The following KDM6A variants were observed in gnomAD, a reference collection of about 807,000 sequenced individuals.
KDM6A encodes lysine demethylase 6A.
A neutral mutation model predicts 117.6 loss-of-function variants in KDM6A; 11 were observed. The ratio of observed to expected loss-of-function variants is 0.09; its 90% CI spans 0.06 to 0.15. The LOEUF is 0.15. Ranked by LOEUF, KDM6A falls within the 10% of genes least tolerant of loss-of-function variation. KDM6A has a pLI of 1.00. For synonymous variants in KDM6A, 384 were observed against 396.1 expected (o/e 0.97, Z 0.36); for missense variants, 799 against 1,077.3 (o/e 0.74, Z 3.62).
At chrX:45,085,809 G>A (rs895156627) in intron 24 of KDM6A, 56 bp from the exon 25 acceptor site, 13 of 638,300 alleles carry the variant, frequency 2.0e-5, no homozygotes, top group African/African-American at 6.6e-5. Context: ...TATAAGTACC[G>A]TGTGCTAACC....
At chrX:45,030,773 G>A (rs912663877) in intron 6 of KDM6A, among the ~76,000 whole-genome samples, 2 of 110,820 alleles carry the variant, frequency 1.8e-5, no homozygotes, top group African/African-American at 6.6e-5. Flanking sequence ...GCAGTGGTGC[G>A]ATCTTGGGTC....
intron 2 of KDM6A, among the ~76,000 whole-genome samples, chrX:44,881,886 CTG>C (rs1351454856): frequency 9.1e-6 from 1 of 110,392 alleles, no homozygotes; most frequent in Non-Finnish European, 1.9e-5. Context: ...TGGGGTTTCA[CTG>C]TGTTCGCCAG....
intron 4 of KDM6A, among the ~76,000 whole-genome samples, chrX:44,979,998 CTTTT>C (rs56817217): frequency 2.8e-5 from 2 of 71,307 alleles, no homozygotes; most frequent in Non-Finnish European, 5.7e-5. Context: ...TCTTTCTTTC[CTTTT>C]TTTTTTTTTT....
At chrX:45,048,309 C>T (rs926350364) in intron 8 of KDM6A, among the ~76,000 whole-genome samples, 3 of 110,523 alleles carry the variant, frequency 2.7e-5, no homozygotes, top group South Asian at 3.8e-4. Context: ...ATGAGTAATA[C>T]ATTGTGGAGA....
chrX:45,007,626 T>G (rs1260573681), intron 4 of KDM6A, among the ~76,000 whole-genome samples: 1 of 112,283 alleles, frequency 8.9e-6, no homozygotes. Flanking sequence ...AGTAAATCTT[T>G]GGGCATCTAC....
intron 2 of KDM6A, among the ~76,000 whole-genome samples, chrX:44,891,533 A>AT (rs772782704): frequency 1.1e-4 from 12 of 112,054 alleles, no homozygotes; most frequent in Non-Finnish European, 1.9e-4. Context: ...AATTACTGTC[A>AT]TTGTATAGTA....
intron 3 of KDM6A, among the ~76,000 whole-genome samples, chrX:44,970,204 TATGGAAGAAATGGAACAAATGCTC>T (rs1161266969): frequency 8.9e-6 from 1 of 111,903 alleles, no homozygotes; most frequent in African/African-American, 3.2e-5. Context: ...GAAAGATCAC[TATGGAAGAAATGGAACAAATGCTC>T]ATGGAAGAAA....
chrX:44,891,733 T>C (rs2033382066), intron 2 of KDM6A, among the ~76,000 whole-genome samples: 1 of 112,049 alleles, frequency 8.9e-6, no homozygotes, highest in Non-Finnish European at 1.9e-5. Context: ...TCCACCCTAC[T>C]GCCGTGTCCA....
chrX:44,875,966 A>G (rs2031491540), intron 2 of KDM6A, among the ~76,000 whole-genome samples: 1 of 112,157 alleles, frequency 8.9e-6, no homozygotes, highest in Non-Finnish European at 1.9e-5. Context: ...TTAAAAAAGT[A>G]ACCATTTTCA....
intron 6 of KDM6A, among the ~76,000 whole-genome samples, chrX:45,026,513 A>T (rs1405458901): frequency 9.0e-6 from 1 of 111,269 alleles, no homozygotes; most frequent in South Asian, 3.7e-4. Flanking sequence ...TAGAATGCAC[A>T]GATCATTTGT....
intron 2 of KDM6A, among the ~76,000 whole-genome samples, chrX:44,955,099 G>C (rs751983096): frequency 8.9e-6 from 1 of 111,813 alleles, no homozygotes; most frequent in East Asian, 2.8e-4. Context: ...GGATGTCCAA[G>C]TGGAAAAAGT....
At chrX:44,911,145 G>A (rs777424811) in intron 2 of KDM6A, among the ~76,000 whole-genome samples, 21 of 101,860 alleles carry the variant, frequency 2.1e-4, no homozygotes, top group East Asian at 3.2e-4. Context: ...CCTCCCTCCC[G>A]GACGGGGCGG....
chrX:44,945,521 A>G (rs996176775), intron 2 of KDM6A, among the ~76,000 whole-genome samples: 2 of 110,886 alleles, frequency 1.8e-5, no homozygotes, highest in African/African-American at 6.6e-5. Context: ...CAGTAATTCA[A>G]ATGTATGCCT....
At chrX:44,927,563 C>T (rs2036379706) in intron 2 of KDM6A, among the ~76,000 whole-genome samples, 1 of 110,156 alleles carries the variant, frequency 9.1e-6, no homozygotes, top group Admixed American at 9.9e-5. Context: ...GCAGAGAGGC[C>T]TCCAGCTGTC....
chrX:45,101,582 G>T (rs747339134), intron 27 of KDM6A, among the ~76,000 whole-genome samples: 9 of 110,299 alleles, frequency 8.2e-5, no homozygotes, highest in Non-Finnish European at 1.5e-4. Flanking sequence ...TAAATATCCT[G>T]CAGGGCACAA....
At chrX:45,003,814 C>CCT (rs1248961778) in intron 4 of KDM6A, among the ~76,000 whole-genome samples, 2 of 104,050 alleles carry the variant, frequency 1.9e-5, no homozygotes, top group Non-Finnish European at 4.0e-5. Context: ...TCTGTCTCTT[C>CCT]CTCTCTCTCT....
intron 2 of KDM6A, among the ~76,000 whole-genome samples, chrX:44,894,569 G>A (rs1198041866): frequency 9.2e-6 from 1 of 108,377 alleles, no homozygotes; most frequent in African/African-American, 3.4e-5. Context: ...GATGATTTGT[G>A]TTTTCATGTC....
intron 6 of KDM6A, among the ~76,000 whole-genome samples, chrX:45,028,625 T>C (rs2042473609): frequency 8.9e-6 from 1 of 112,420 alleles, no homozygotes; most frequent in Non-Finnish European, 1.9e-5. Context: ...TTTCTACTTT[T>C]TCTCACTTGT....
intron 27 of KDM6A, among the ~76,000 whole-genome samples, chrX:45,096,494 A>G (rs991198923): frequency 1.8e-5 from 2 of 112,073 alleles, no homozygotes; most frequent in Non-Finnish European, 3.8e-5. Context: ...GATATTGGTA[A>G]GAAACCATGG....
Sources: allele counts gnomAD v4.1 joint callset (sites outside exome capture counted in the v4.1 genomes callset), GRCh38; gene constraint gnomAD v4.1.1; transcripts MANE v1.5; gene names NCBI Gene and HGNC (gene_info 2026-07-23, HGNC 2026-07-21).